Variants in ACOT1 observed in about 807,000 individuals in gnomAD.
ACOT1 encodes acyl-coenzyme A thioesterase 1.
Under a neutral mutation model 15.7 loss-of-function variants are expected in ACOT1, and 8 were observed. That is an observed-to-expected ratio of 0.51 (90% CI 0.30 to 0.92). ACOT1 has a LOEUF of 0.92. Ranked by LOEUF, ACOT1 falls within the 40% of genes least tolerant of loss-of-function variation. The pLI is 0.06. For synonymous variants in ACOT1, 67 were observed against 241.2 expected (o/e 0.28, Z 6.69); for missense variants, 151 against 539.4 (o/e 0.28, Z 7.13).
At chr14:73,520,913 A>G in the ACOT1 span, 2 of 1,613,990 alleles carry the variant, frequency 1.2e-6, no homozygotes, top group East Asian at 4.5e-5. Flanking sequence ...CAGCTCGGGG[A>G]GTCACCTGGC....
the ACOT1 span, among the ~76,000 whole-genome samples, chr14:73,506,804 G>GTTTTTTTTTTTTTGTTTTTTT: frequency 1.2e-5 from 1 of 80,522 alleles, no homozygotes; most frequent in Non-Finnish European, 2.2e-5. Context: ...GACTTTAACT[G>GTTTTTTTTTTTTTGTTTTTTT]TTTTTTTTTT....
At chr14:73,506,024 G>C in the ACOT1 span, among the ~76,000 whole-genome samples, 1 of 151,376 alleles carries the variant, frequency 6.6e-6, no homozygotes, top group Non-Finnish European at 1.5e-5. Context: ...CCAAGTAGCA[G>C]GGATTATAGG....
At position 73,537,600 on chromosome 14, in the gene ACOT1, T is replaced by C; in HGVS notation, c.179T>C (p.Leu60Pro). ...TACCGCGCCGACACCCTTGGCGAGC[T>C]GGACCTGGAGCGCGCGCCCGCGCTG... ...ARYRADTLGE[L>P]DLERAPALGG... Residue 60 changes from leucine (L) to proline (P), a missense_variant, in exon 1 of 3, where the codon CTG becomes CCG. Coordinates refer to ENST00000311148, the MANE Select transcript of ACOT1 (RefSeq NM_001037161.2). 1.6e-6 allele frequency: 2 copies of C among 1,223,012 alleles called. 1 individual carries two copies. The highest frequency in any genetic ancestry group is 2.2e-6 in the Non-Finnish European group (2 of 930,124). 75.8% of individuals were successfully genotyped at this position (1,223,012 alleles called of 1,614,324 possible).
the ACOT1 span, chr14:73,519,175 CAAAG>C: frequency 3.7e-6 from 6 of 1,607,710 alleles, no homozygotes; most frequent in African/African-American, 2.7e-5. Flanking sequence ...TGTGAACAGA[CAAAG>C]AAACAATGAG....
the ACOT1 span, chr14:73,492,833 G>T: frequency 5.0e-6 from 8 of 1,613,910 alleles, no homozygotes; most frequent in Non-Finnish European, 6.8e-6. This position sits in a 1 kb window ranked among gnomAD's most constrained non-coding sequence, Gnocchi z 4.9. Flanking sequence ...TCCAGAGTTT[G>T]TGAGAGTGGG....
At chr14:73,520,638 G>T in the ACOT1 span, 1 of 490,424 alleles carries the variant, frequency 2.0e-6, no homozygotes. Flanking sequence ...TAGAGGGATA[G>T]AGAAAGCGGG....
chr14:73,506,802 C>CTTTTTTTTTTTTTTTTTTTTT, the ACOT1 span, among the ~76,000 whole-genome samples: 21 of 58,008 alleles, frequency 3.6e-4, no homozygotes, highest in East Asian at 1.8e-3. Flanking sequence ...CTGACTTTAA[C>CTTTTTTTTTTTTTTTTTTTTT]TGTTTTTTTT....
the ACOT1 span, among the ~76,000 whole-genome samples, chr14:73,505,821 G>T: frequency 6.6e-6 from 1 of 152,022 alleles, no homozygotes; most frequent in African/African-American, 2.4e-5. Context: ...ATTTTGGCGG[G>T]GGGGAAATAT....
At chr14:73,492,572 A>G in the ACOT1 span, 1 of 1,613,830 alleles carries the variant, frequency 6.2e-7, no homozygotes, top group Non-Finnish European at 8.5e-7. The surrounding 1 kb of genome is among the most constrained non-coding windows in gnomAD (Gnocchi z 4.9). Context: ...TGATAGGGAG[A>G]GGGCACTAAG....
At chr14:73,513,728 CAAAAAAAAAAAAAA>C in the ACOT1 span, among the ~76,000 whole-genome samples, 1 of 46,758 alleles carries the variant, frequency 2.1e-5, no homozygotes, top group African/African-American at 7.6e-5. Flanking sequence ...ACTACGTCTC[CAAAAAAAAAAAAAA>C]AAAAAAAAAA....
At chr14:73,497,583 A>T in the ACOT1 span, among the ~76,000 whole-genome samples, 7 of 152,164 alleles carry the variant, frequency 4.6e-5, no homozygotes, top group African/African-American at 1.7e-4. Context: ...TTGTCCCAAT[A>T]GGCATTTGAT....
At chr14:73,493,221 T>G in the ACOT1 span, 1 of 985,172 alleles carries the variant, frequency 1.0e-6, no homozygotes, top group Non-Finnish European at 1.6e-6. Flanking sequence ...CAGGCTTCAG[T>G]GTACTGGGTA....
chr14:73,506,087 C>T, the ACOT1 span, among the ~76,000 whole-genome samples: 16 of 151,696 alleles, frequency 1.1e-4, no homozygotes, highest in Non-Finnish European at 1.6e-4. Flanking sequence ...GATGGAGTTT[C>T]ACCATGTTGG....
upstream of ACOT1, among the ~76,000 whole-genome samples, chr14:73,532,749 T>C (rs1888744926): frequency 1.8e-5 from 2 of 114,114 alleles, no homozygotes; most frequent in South Asian, 5.5e-4. Flanking sequence ...GGTCAGGAGA[T>C]TGAAACCATC....
Position 73,537,571 on chromosome 14 carries a change from G to A in ACOT1, c.150G>A (p.Ala50=), listed in dbSNP as rs753756865. 781 of 1,215,206 alleles carry A rather than the reference G, an allele frequency of 6.4e-4. 252 individuals are homozygous for A. The highest frequency in any genetic ancestry group is 4.2e-3 in the Middle Eastern group (14 of 3,360). The allele number at this position is 1,215,206 out of a possible 1,614,324, so 75.3% of individuals were successfully genotyped here. Residue 50 remains alanine (A), a synonymous_variant, in exon 1 of 3, where the codon GCG becomes GCA. Coordinates refer to ENST00000311148, the MANE Select transcript of ACOT1 (RefSeq NM_001037161.2). ...DEKGALFQAH[A]RYRADTLGEL... is the part of the protein sequence containing the mutation. ...AGGGCGCGCTTTTCCAGGCCCACGC[G>A]CGCTACCGCGCCGACACCCTTGGCG... is the stretch of plus-strand genomic sequence containing the variant.
the ACOT1 span, among the ~76,000 whole-genome samples, chr14:73,500,230 A>AAAAC: frequency 7.2e-5 from 11 of 152,110 alleles, no homozygotes; most frequent in South Asian, 2.1e-4. Context: ...ACTCCGTCTC[A>AAAAC]AAACAAACAA....
chr14:73,491,133 T>C, the ACOT1 span: 1 of 1,607,636 alleles, frequency 6.2e-7, no homozygotes, highest in Admixed American at 1.7e-5. Flanking sequence ...TCCAGGAAGA[T>C]ACGAAAGCAG....
At chr14:73,534,807 C>CT (rs553194860), upstream of ACOT1, among the ~76,000 whole-genome samples, 3,483 of 93,842 alleles carry the variant, frequency 0.037, 660 homozygotes, top group African/African-American at 0.11. Flanking sequence ...ATCTTTTCTG[C>CT]TTTTTTTTTT....
chr14:73,491,003 T>C, the ACOT1 span: 1 of 1,388,502 alleles, frequency 7.2e-7, no homozygotes. Flanking sequence ...CGGGGAAGAC[T>C]GGTGTGGTCT....
Sources: gnomAD v4.1 joint callset for allele counts (sites outside exome capture counted in the v4.1 genomes callset) on GRCh38, gnomAD v4.1.1 for gene constraint, Gnocchi (gnomAD v3.1) non-coding constraint, MANE v1.5 for transcripts, NCBI Gene and HGNC (gene_info 2026-07-23, HGNC 2026-07-21) for gene names.